Variants in MAPK14 observed in about 807,000 individuals in gnomAD.
The protein encoded by MAPK14 is CSAID-binding protein.
A neutral mutation model predicts 49.6 loss-of-function variants in MAPK14; 16 were observed. The observed-to-expected ratio is 0.32, with a 90% CI of 0.22 to 0.49. MAPK14 has a LOEUF of 0.49. Ranked by LOEUF, MAPK14 falls within the 20% of genes least tolerant of loss-of-function variation. The pLI is 0.99. For missense variants in MAPK14, 200 were observed against 441.2 expected, an observed-to-expected ratio of 0.45 and a Z score of 4.90; for synonymous variants, 142 against 158.0, an observed-to-expected ratio of 0.90 and a Z score of 0.76.
At chr6:36,074,669 G>A (rs993597866) in intron 6 of MAPK14, among the ~76,000 whole-genome samples, 2 of 151,692 alleles carry the variant, frequency 1.3e-5, no homozygotes, top group African/African-American at 4.8e-5. Flanking sequence ...AGTCTAGAGT[G>A]CAGTGGTGTG....
chr6:36,092,186 T>C (rs1765261141), intron 8 of MAPK14: 6 of 530,268 alleles, frequency 1.1e-5, no homozygotes, highest in Admixed American at 9.9e-5. Flanking sequence ...GGCCTTACAT[T>C]TTCTGCGTCA....
intron 8 of MAPK14, among the ~76,000 whole-genome samples, chr6:36,085,166 G>A (rs1217299753): frequency 6.6e-6 from 1 of 152,180 alleles, no homozygotes; most frequent in East Asian, 1.9e-4. Context: ...AGCTCCTGAA[G>A]GAAGCACTAA....
At chr6:36,070,088 A>G (rs78597031) in intron 3 of MAPK14, among the ~76,000 whole-genome samples, 16,430 of 152,232 alleles carry the variant, frequency 0.11, 911 homozygotes, top group Middle Eastern at 0.12. Context: ...TTAGGACAGA[A>G]TACTGCTATG....
chr6:36,031,334 G>A (rs1278297687), intron 1 of MAPK14, among the ~76,000 whole-genome samples: 1 of 152,048 alleles, frequency 6.6e-6, no homozygotes, highest in African/African-American at 2.4e-5. Flanking sequence ...CTTTCAATGA[G>A]TACCTTTTTA....
chr6:36,086,204 A>G (rs1562140036), intron 8 of MAPK14, among the ~76,000 whole-genome samples: 1 of 152,210 alleles, frequency 6.6e-6, no homozygotes, highest in Admixed American at 6.5e-5. Context: ...AAAAAGCTAG[A>G]AAGATCTCAA....
At chr6:36,073,559 T>C in intron 4 of MAPK14, 132 bp from the exon 5 acceptor site, 4 of 689,328 alleles carry the variant, frequency 5.8e-6, no homozygotes, top group Non-Finnish European at 7.5e-6. Flanking sequence ...TACTGATAGT[T>C]ACTTATGCTG....
intron 1 of MAPK14, among the ~76,000 whole-genome samples, chr6:36,038,112 A>C (rs1271570566): frequency 1.3e-5 from 2 of 152,136 alleles, no homozygotes; most frequent in Admixed American, 6.5e-5. Context: ...GAGAAAATGC[A>C]AGAAGGGAAG....
At chr6:36,077,652 A>T (rs1477852501) in intron 8 of MAPK14, among the ~76,000 whole-genome samples, 1 of 152,182 alleles carries the variant, frequency 6.6e-6, no homozygotes, top group Non-Finnish European at 1.5e-5. Flanking sequence ...TTATGAACTG[A>T]AAAAACCTCT....
chr6:36,103,740 G>A (rs16884919), intron 10 of MAPK14, among the ~76,000 whole-genome samples: 18,081 of 152,200 alleles, frequency 0.12, 1,180 homozygotes, highest in African/African-American at 0.18. Flanking sequence ...ACAGTGGACA[G>A]TGCTGTTTAA....
chr6:36,102,835 G>A (rs565206528), intron 10 of MAPK14, 186 bp downstream of exon 10: 2 of 968,434 alleles, frequency 2.1e-6, no homozygotes, highest in Admixed American at 3.2e-5. Flanking sequence ...TGAGATGATT[G>A]TATGTTTAAA....
At chr6:36,030,458 C>T (rs1031943645) in intron 1 of MAPK14, among the ~76,000 whole-genome samples, 1 of 152,026 alleles carries the variant, frequency 6.6e-6, no homozygotes, top group East Asian at 1.9e-4. Context: ...GAGGCCGAGG[C>T]GGGTGGATCA....
Position 36,038,564 on chromosome 6 carries a change from G to A in MAPK14, c.116+10291G>A, listed in dbSNP as rs1370052953. On this transcript the variant is annotated intron_variant, in intron 1 of 11. Coordinates refer to ENST00000229794, the MANE Select transcript of MAPK14 (RefSeq NM_139012.3). ...TGTGCTCTAGGGTCCCAAGTTTTTC[G>A]TTTCGGTTCCTTACCCATTCTACCC... Among the ~76,000 whole-genome samples, 7 of 152,214 alleles carry A rather than the reference G, an allele frequency of 4.6e-5. No homozygotes were observed. In the South Asian group the frequency reaches 6.2e-4, roughly 14 times the overall value.
At chr6:36,072,203 T>C (rs7753371) in intron 3 of MAPK14, among the ~76,000 whole-genome samples, 302 of 152,220 alleles carry the variant, frequency 2.0e-3, no homozygotes, top group African/African-American at 7.1e-3. Flanking sequence ...CTGTGCGTGG[T>C]GGTGCACACC....
chr6:36,095,928 C>T (rs1765427406), intron 8 of MAPK14, 59 bp from the exon 9 acceptor site: 1 of 1,068,312 alleles, frequency 9.4e-7, no homozygotes, highest in Admixed American at 1.9e-5. Context: ...TTTTGTTTGT[C>T]ATTGTTTGTT....
intron 3 of MAPK14, among the ~76,000 whole-genome samples, chr6:36,067,069 G>A (rs1764089387): frequency 1.3e-5 from 2 of 152,000 alleles, no homozygotes; most frequent in Non-Finnish European, 2.9e-5. Flanking sequence ...TGCTGAAATG[G>A]AGATGGTGGG....
chr6:36,111,526 A>T (rs1009657555), downstream of MAPK14, among the ~76,000 whole-genome samples: 9 of 152,228 alleles, frequency 5.9e-5, no homozygotes, highest in African/African-American at 2.2e-4. Flanking sequence ...CATTGTTTGT[A>T]AGCTTTTAGG....
intron 8 of MAPK14, among the ~76,000 whole-genome samples, chr6:36,087,899 C>G (rs1001842478): frequency 1.3e-5 from 2 of 152,120 alleles, no homozygotes; most frequent in African/African-American, 4.8e-5. Context: ...TACGAGGCTA[C>G]AGTAATCAAA....
downstream of MAPK14, among the ~76,000 whole-genome samples, chr6:36,115,536 G>T (rs1472322057): frequency 1.3e-5 from 2 of 152,166 alleles, no homozygotes; most frequent in African/African-American, 4.8e-5. Context: ...TGTAATCCCG[G>T]CACTTTGGGA....
chr6:36,113,936 TCTC>T (rs1284870598), downstream of MAPK14, among the ~76,000 whole-genome samples: 1 of 152,210 alleles, frequency 6.6e-6, no homozygotes, highest in Non-Finnish European at 1.5e-5. Flanking sequence ...GTAGCGGCAT[TCTC>T]CACCCAGCTG....
Sources: allele counts gnomAD v4.1 joint callset (sites outside exome capture counted in the v4.1 genomes callset), GRCh38; gene constraint gnomAD v4.1.1; transcripts MANE v1.5; gene names NCBI Gene and HGNC (gene_info 2026-07-23, HGNC 2026-07-21).